Variants in RABGAP1L observed in about 807,000 individuals in gnomAD.
The protein encoded by RABGAP1L is rab GTPase-activating protein 1-like.
RABGAP1L carries 63 observed loss-of-function variants against 137.7 expected under a neutral mutation model. The observed-to-expected ratio is 0.46, with a 90% confidence interval of 0.37 to 0.56. RABGAP1L has a LOEUF of 0.56. Ranked by LOEUF, RABGAP1L falls within the 20% of genes least tolerant of loss-of-function variation. RABGAP1L has a pLI of 0.00. For missense variants in RABGAP1L, 1,095 were observed against 1,244.0 expected (o/e 0.88, Z 1.80); for synonymous variants, 431 against 433.7 (o/e 0.99, Z 0.08).
chr1:174,611,818 A>C (rs574689581), intron 13 of RABGAP1L, among the ~76,000 whole-genome samples: 3 of 152,180 alleles, frequency 2.0e-5, no homozygotes, highest in African/African-American at 7.2e-5. Context: ...CCTTGAAGCA[A>C]TTGTGAATGG....
At position 174,993,695 on chromosome 1, in the gene RABGAP1L, T is replaced by A. The variant is rs1672199461; in HGVS notation, c.*3694T>A. The A allele has an allele frequency of 6.6e-6, 1 of 152,230 alleles. No individual in the cohort carries two copies. Among genetic ancestry groups the A allele is most frequent in the East Asian group, 1.9e-4 (1 of 5,204 alleles). 9.4% of individuals were successfully genotyped at this position (152,230 alleles called of 1,614,324 possible). On this transcript the variant is annotated 3_prime_UTR_variant, in exon 26 of 26. Coordinates refer to ENST00000681986, the MANE Select transcript of RABGAP1L (RefSeq NM_001366446.1). The stretch of plus-strand genomic sequence containing the variant: ...TGCATCAAACACTTAGGTACCTGCC[T>A]GATTAGGGGGGCCCCTTTAAGGGAA...
intron 19 of RABGAP1L, chr1:174,893,072 T>C: frequency 2.9e-6 from 1 of 346,228 alleles, no homozygotes; most frequent in Non-Finnish European, 5.9e-6. Flanking sequence ...GATTTGTCCA[T>C]TATCATTTTG....
At chr1:174,776,327 A>G (rs936842861) in intron 18 of RABGAP1L, among the ~76,000 whole-genome samples, 9 of 152,118 alleles carry the variant, frequency 5.9e-5, no homozygotes, top group African/African-American at 2.2e-4. Flanking sequence ...GTGGGCTGAG[A>G]TTACACCACT....
intron 19 of RABGAP1L, among the ~76,000 whole-genome samples, chr1:174,862,043 T>C (rs1650340974): frequency 1.3e-5 from 2 of 152,338 alleles, no homozygotes; most frequent in East Asian, 3.9e-4. Context: ...AGTTTTTCCC[T>C]TAAGTTTTCT....
At chr1:174,851,106 C>T (rs1393446203) in intron 19 of RABGAP1L, among the ~76,000 whole-genome samples, 2 of 152,174 alleles carry the variant, frequency 1.3e-5, no homozygotes, top group Non-Finnish European at 1.5e-5. Flanking sequence ...TTTGTGATAC[C>T]CTGAGCAGAG....
At chr1:174,624,004 A>T (rs899227884) in intron 13 of RABGAP1L, among the ~76,000 whole-genome samples, 1 of 152,270 alleles carries the variant, frequency 6.6e-6, no homozygotes, top group Non-Finnish European at 1.5e-5. Context: ...AGACTATGAC[A>T]GATGAAATGG....
Position 174,546,293 on chromosome 1 carries a change from A to G in RABGAP1L, c.1711-91082A>G, listed in dbSNP as rs188993461. 2.9e-3 allele frequency among the ~76,000 whole-genome samples: 439 copies of G among 152,344 alleles called. 1 individual carries two copies. Among genetic ancestry groups the G allele is most frequent in the African/African-American group, 9.7e-3 (405 of 41,578 alleles). ...GGTGAGAGAACATATTAGACCACCT[A>G]CTTACATATATTTTATCTAAAAAAT... On this transcript the variant is annotated intron_variant, in intron 13 of 25. Transcript: ENST00000681986.
rs964367103 is a variant in RABGAP1L at position 174,212,095 on chromosome 1, A to G, written c.-33-7030A>G. ...TCCAGTCAAAAAATCAACAAAGAGT[A>G]ATCAGACTTAATGTGCCTTATAGAC... On this transcript the variant is annotated intron_variant, in intron 1 of 25. Transcript: ENST00000681986. Among the ~76,000 whole-genome samples, 4 of 152,144 alleles carry G rather than the reference A, an allele frequency of 2.6e-5. No homozygotes were observed. The South Asian group carries it at 6.2e-4, about 24-fold the overall frequency.
chr1:174,660,781 T>C (rs944809700), intron 14 of RABGAP1L, among the ~76,000 whole-genome samples: 2 of 152,206 alleles, frequency 1.3e-5, no homozygotes, highest in Admixed American at 6.5e-5. Context: ...CTTGCTCAAG[T>C]GTTACTTTCT....
chr1:174,573,392 A>C (rs1668139171), intron 13 of RABGAP1L, among the ~76,000 whole-genome samples: 1 of 152,058 alleles, frequency 6.6e-6, no homozygotes, highest in South Asian at 2.1e-4. Context: ...ATCTGGCTTC[A>C]AAAAATGTTA....
intron 13 of RABGAP1L, among the ~76,000 whole-genome samples, chr1:174,539,688 A>G (rs1166802684): frequency 1.3e-5 from 2 of 152,202 alleles, no homozygotes; most frequent in South Asian, 2.1e-4. Flanking sequence ...AATCCAGTCT[A>G]TCATTGATGG....
intron 19 of RABGAP1L, among the ~76,000 whole-genome samples, chr1:174,842,687 C>T (rs1192628011): frequency 2.0e-5 from 3 of 152,172 alleles, no homozygotes; most frequent in East Asian, 3.8e-4. Context: ...GATCCTAGTG[C>T]TGGTACATGG....
At chr1:174,272,773 G>A (rs1674668507) in intron 8 of RABGAP1L, among the ~76,000 whole-genome samples, 2 of 151,952 alleles carry the variant, frequency 1.3e-5, no homozygotes, top group Non-Finnish European at 2.9e-5. Context: ...GTAGTAACAA[G>A]TACATGATTA....
chr1:174,587,809 A>G (rs1052920710), intron 13 of RABGAP1L, among the ~76,000 whole-genome samples: 9 of 152,164 alleles, frequency 5.9e-5, no homozygotes, highest in African/African-American at 2.2e-4. Flanking sequence ...TCACCATCTC[A>G]AGCATTTATT....
chr1:174,772,062 G>C (rs1686150642), intron 18 of RABGAP1L, among the ~76,000 whole-genome samples: 1 of 152,100 alleles, frequency 6.6e-6, no homozygotes, highest in Admixed American at 6.5e-5. Context: ...AGCCGGGCCT[G>C]GTGGTGGGTG....
intron 13 of RABGAP1L, among the ~76,000 whole-genome samples, chr1:174,479,302 G>C (rs532966792): frequency 6.6e-6 from 1 of 152,310 alleles, no homozygotes; most frequent in African/African-American, 2.4e-5. Flanking sequence ...AGTGTTACAG[G>C]TCTAACTTGT....
chr1:174,234,872 C>T (rs1671020795), intron 4 of RABGAP1L, among the ~76,000 whole-genome samples: 1 of 142,896 alleles, frequency 7.0e-6, no homozygotes, highest in Non-Finnish European at 1.5e-5. Context: ...TGGCCATTTT[C>T]ATGATATTGA....
chr1:174,298,701 C>T (rs147668141), intron 10 of RABGAP1L, among the ~76,000 whole-genome samples: 3 of 152,330 alleles, frequency 2.0e-5, no homozygotes, highest in African/African-American at 7.2e-5. Context: ...TCTTGTGACA[C>T]ACCCAGATAA....
intron 17 of RABGAP1L, among the ~76,000 whole-genome samples, chr1:174,742,060 A>G (rs1257049232): frequency 5.4e-5 from 5 of 93,084 alleles, no homozygotes; most frequent in African/African-American, 3.4e-4. Flanking sequence ...AAGAAGAAGA[A>G]GAGGAAGAGG....
Sources: gnomAD v4.1 joint callset for allele counts (sites outside exome capture counted in the v4.1 genomes callset) on GRCh38, gnomAD v4.1.1 for gene constraint, MANE v1.5 for transcripts, NCBI Gene and HGNC (gene_info 2026-07-23, HGNC 2026-07-21) for gene names.